The following TENM3 variants were observed in gnomAD, a reference collection of about 807,000 sequenced individuals.
TENM3 encodes the protein teneurin transmembrane protein 3.
In TENM3, 63 loss-of-function variants were observed where a neutral mutation model predicts 255.1. The observed-to-expected ratio is 0.25, with a 90% confidence interval of 0.20 to 0.30. TENM3 has a LOEUF of 0.30. Ranked by LOEUF, TENM3 falls within the 10% of genes least tolerant of loss-of-function variation. The probability of loss-of-function intolerance (pLI) is 1.00; values close to 1 mark genes in which losing one functional copy is unlikely to be tolerated. For missense variants in TENM3, 2,929 were observed against 3,461.1 expected (o/e 0.85, Z 3.86); for synonymous variants, 1,306 against 1,322.3 (o/e 0.99, Z 0.27).
the TENM3 span, chr4:181,874,309 A>G: frequency 2.6e-5 from 4 of 152,210 alleles, no homozygotes; most frequent in African/African-American, 7.2e-5. Context: ...ATTCTACAAA[A>G]TACTGACAAA....
the TENM3 span, among the ~76,000 whole-genome samples, chr4:181,763,297 T>C: frequency 6.6e-6 from 1 of 152,172 alleles, no homozygotes; most frequent in Non-Finnish European, 1.5e-5. Flanking sequence ...AGTTATCTTC[T>C]TAGTCATCAT....
chr4:182,801,734 G>C lies in TENM3; in HGVS notation c.*1383G>C, dbSNP rs1371725856. The C allele has an allele frequency of 1.3e-5, 2 of 152,308 alleles. No individual in the cohort carries two copies. Among genetic ancestry groups the C allele is most frequent in the East Asian group, 3.9e-4 (2 of 5,180 alleles). The allele number at this position is 152,308 out of a possible 1,614,324, so 9.4% of individuals were successfully genotyped here. A position where few individuals can be genotyped will look rare whatever the true frequency, so the allele number is the denominator to read the frequency against. On this transcript the variant is annotated 3_prime_UTR_variant, in exon 28 of 28. Transcript: ENST00000511685. ...AAGCCCACATGACCAAACCATCTTG[G>C]GGGGCTGGTTTGAATGACAGCCTCT...
intron 3 of TENM3, among the ~76,000 whole-genome samples, chr4:182,562,832 C>G (rs1015238643): frequency 6.6e-6 from 1 of 152,152 alleles, no homozygotes; most frequent in African/African-American, 2.4e-5. Context: ...CATGCAATCA[C>G]AGTCAGGTAC....
At chr4:182,406,108 C>G (rs940486660) in intron 3 of TENM3, among the ~76,000 whole-genome samples, 1 of 152,090 alleles carries the variant, frequency 6.6e-6, no homozygotes, top group African/African-American at 2.4e-5. Context: ...GAGTTCAAGA[C>G]CAGCCTGGCC....
At chr4:182,689,905 G>A (rs1031292760) in intron 12 of TENM3, among the ~76,000 whole-genome samples, 1 of 152,140 alleles carries the variant, frequency 6.6e-6, no homozygotes, top group African/African-American at 2.4e-5. Context: ...TGTTTTGTGT[G>A]GTCCAAGACA....
At chr4:181,996,579 G>T in the TENM3 span, among the ~76,000 whole-genome samples, 1 of 152,294 alleles carries the variant, frequency 6.6e-6, no homozygotes, top group East Asian at 1.9e-4. Context: ...TAGGGAAGAG[G>T]TGCTGACTTG....
At chr4:181,934,270 A>G in the TENM3 span, among the ~76,000 whole-genome samples, 1 of 152,158 alleles carries the variant, frequency 6.6e-6, no homozygotes, top group Non-Finnish European at 1.5e-5. Flanking sequence ...ACAGTGCACT[A>G]CATAAATGAT....
intron 1 of TENM3, among the ~76,000 whole-genome samples, chr4:182,191,413 T>A (rs1318282683): frequency 6.6e-6 from 1 of 152,148 alleles, no homozygotes; most frequent in Non-Finnish European, 1.5e-5. Context: ...TTCCAGTCAA[T>A]CACACACCCA....
At chr4:182,304,067 T>C (rs2150382155) in intron 1 of TENM3, among the ~76,000 whole-genome samples, 1 of 152,012 alleles carries the variant, frequency 6.6e-6, no homozygotes, top group South Asian at 2.1e-4. Flanking sequence ...ACATTTCCAG[T>C]ATTCGAGAGG....
chr4:181,969,512 CAT>C, the TENM3 span, among the ~76,000 whole-genome samples: 3 of 152,188 alleles, frequency 2.0e-5, no homozygotes, highest in South Asian at 6.2e-4. Flanking sequence ...ATATGCATGA[CAT>C]ATGACATTTT....
chr4:182,111,425 G>A, the TENM3 span, among the ~76,000 whole-genome samples: 1 of 151,890 alleles, frequency 6.6e-6, no homozygotes. Flanking sequence ...GTGCCTTTTT[G>A]TCTAGAATGG....
In TENM3 at chr4:182,673,090, T is replaced by G. The variant is rs192736990; in HGVS notation, c.1197T>G (p.Pro399=). The change falls in exon 7 of 28, where the codon CCT becomes CCG. Residue 399 remains proline (P), a synonymous_variant. Coordinates refer to ENST00000511685, the MANE Select transcript of TENM3 (RefSeq NM_001080477.4). ...DIGRRAIQEI[P]PGIFWRSQLF... ...GCCGAAGAGCAATTCAAGAGATTCCTCCCGGGATCTTCTGGAGATCACAGC... is the reference window on the plus strand; with the variant it reads ...GCCGAAGAGCAATTCAAGAGATTCCGCCCGGGATCTTCTGGAGATCACAGC... 1 of 1,612,896 alleles carries G rather than the reference T, an allele frequency of 6.2e-7. No homozygotes were observed. The highest frequency in any genetic ancestry group is 1.1e-5 in the South Asian group (1 of 90,810).
At chr4:182,631,483 TA>T (rs1751369360) in intron 5 of TENM3, 1 of 152,214 alleles carries the variant, frequency 6.6e-6, no homozygotes, top group Non-Finnish European at 1.5e-5. Context: ...GTTCGCATGG[TA>T]AATCTTTTTT....
At chr4:182,707,551 C>T (rs1249909487) in intron 12 of TENM3, among the ~76,000 whole-genome samples, 1 of 152,096 alleles carries the variant, frequency 6.6e-6, no homozygotes, top group East Asian at 1.9e-4. Context: ...AAAGAAGCAC[C>T]TAGAGGGGAG....
the TENM3 span, among the ~76,000 whole-genome samples, chr4:181,882,601 G>C: frequency 1.3e-4 from 20 of 152,200 alleles, no homozygotes; most frequent in African/African-American, 4.8e-4. Flanking sequence ...TCGTTAGTTA[G>C]ACTTCAGACA....
chr4:181,849,024 G>T, the TENM3 span, among the ~76,000 whole-genome samples: 1 of 152,112 alleles, frequency 6.6e-6, no homozygotes, highest in African/African-American at 2.4e-5. Flanking sequence ...AGATGGATAA[G>T]CAGAAAATAA....
intron 5 of TENM3, among the ~76,000 whole-genome samples, chr4:182,645,266 T>C (rs914535818): frequency 4.1e-4 from 63 of 151,976 alleles, no homozygotes; most frequent in African/African-American, 1.3e-3. Context: ...GTAGGTCTAG[T>C]AGAAAAATGT....
the TENM3 span, among the ~76,000 whole-genome samples, chr4:181,945,430 G>T: frequency 6.6e-6 from 1 of 152,094 alleles, no homozygotes; most frequent in African/African-American, 2.4e-5. Context: ...TGTTATCATG[G>T]TTGGAAAGAT....
At chr4:182,564,053 A>G (rs1384656577) in intron 3 of TENM3, among the ~76,000 whole-genome samples, 1 of 152,152 alleles carries the variant, frequency 6.6e-6, no homozygotes, top group Non-Finnish European at 1.5e-5. Context: ...ACGTCATCAT[A>G]AAGACCTTAG....
Sources: gnomAD v4.1 joint callset for allele counts (sites outside exome capture counted in the v4.1 genomes callset) on GRCh38, gnomAD v4.1.1 for gene constraint, MANE v1.5 for transcripts, NCBI Gene and HGNC (gene_info 2026-07-23, HGNC 2026-07-21) for gene names.